The following FBXL7 variants were observed in gnomAD, a reference collection of about 807,000 sequenced individuals.
FBXL7 encodes the protein F-box and leucine rich repeat protein 7.
In FBXL7, 12 loss-of-function variants were observed where a neutral mutation model predicts 38.3. The ratio of observed to expected loss-of-function variants is 0.31; its 90% confidence interval spans 0.20 to 0.51. The LOEUF (loss-of-function observed/expected upper bound fraction) is 0.51. Among genes scored for constraint, FBXL7 ranks in the 20% least tolerant of loss-of-function variants. FBXL7 has a pLI of 0.98. For synonymous variants in FBXL7, 297 were observed against 300.9 expected (o/e 0.99, Z 0.13); for missense variants, 567 against 676.4 (o/e 0.84, Z 1.79).
At chr5:15,520,755 GT>G (rs1334211782) in intron 1 of FBXL7, among the ~76,000 whole-genome samples, 1 of 152,108 alleles carries the variant, frequency 6.6e-6, no homozygotes, top group Non-Finnish European at 1.5e-5. Flanking sequence ...TACCAGTTAT[GT>G]TTTTTCTGTA....
Position 15,711,319 on chromosome 5 carries a change from C to T in FBXL7, c.127+95247C>T, listed in dbSNP as rs537872699. 2.5e-4 allele frequency among the ~76,000 whole-genome samples: 38 copies of T among 152,250 alleles called. No homozygotes were observed. In the South Asian group the frequency reaches 4.4e-3, roughly 17 times the overall value. On this transcript the variant is annotated intron_variant, in intron 2 of 3. Transcript: ENST00000504595. ...TCTTCAAGCTCGGCCTCCATGATTG[C>T]GTGGCATTCTGTCATTTGTATGTGA...
chr5:15,514,747 C>T (rs986043003), intron 1 of FBXL7, among the ~76,000 whole-genome samples: 3 of 152,170 alleles, frequency 2.0e-5, no homozygotes, highest in African/African-American at 7.2e-5. Context: ...TGTCCCTGCC[C>T]CCGGCTGCAC....
chr5:15,542,460 CA>C (rs1468292105), intron 1 of FBXL7, among the ~76,000 whole-genome samples: 1 of 152,110 alleles, frequency 6.6e-6, no homozygotes, highest in Non-Finnish European at 1.5e-5. Context: ...TATAAGCCTG[CA>C]ATAACAAATG....
At chr5:15,606,191 C>T (rs1740008462) in intron 1 of FBXL7, among the ~76,000 whole-genome samples, 1 of 151,966 alleles carries the variant, frequency 6.6e-6, no homozygotes, top group Non-Finnish European at 1.5e-5. Flanking sequence ...GTTTTTTGAT[C>T]AGTTTTCTTT....
chr5:15,643,178 C>T (rs6860057), intron 2 of FBXL7, among the ~76,000 whole-genome samples: 24,566 of 152,166 alleles, frequency 0.16, 2,088 homozygotes, highest in Non-Finnish European at 0.19. Flanking sequence ...GAGTCCCAAT[C>T]CTTAGGCTTC....
intron 2 of FBXL7, among the ~76,000 whole-genome samples, chr5:15,640,794 G>T (rs1310962078): frequency 6.6e-6 from 1 of 152,198 alleles, no homozygotes; most frequent in Non-Finnish European, 1.5e-5. Flanking sequence ...AAAGTGTTGG[G>T]ATTACAGGTG....
At chr5:15,888,110 C>CT (rs1450790661) in intron 2 of FBXL7, among the ~76,000 whole-genome samples, 1 of 152,162 alleles carries the variant, frequency 6.6e-6, no homozygotes, top group African/African-American at 2.4e-5. Context: ...TCATATTGCA[C>CT]TATCATCCAG....
intron 2 of FBXL7, among the ~76,000 whole-genome samples, chr5:15,661,985 A>G (rs141625102): frequency 5.8e-4 from 89 of 152,326 alleles, no homozygotes; most frequent in African/African-American, 1.5e-3. Context: ...TAGTGCTGCA[A>G]TGAACATTTG....
chr5:15,699,573 C>G (rs188720301), intron 2 of FBXL7, among the ~76,000 whole-genome samples: 1 of 152,194 alleles, frequency 6.6e-6, no homozygotes. Flanking sequence ...TGGGAGGTCA[C>G]CTTCTGAGGT....
intron 1 of FBXL7, among the ~76,000 whole-genome samples, chr5:15,536,667 T>C (rs556995285): frequency 8.5e-5 from 13 of 152,290 alleles, no homozygotes; most frequent in African/African-American, 3.1e-4. Flanking sequence ...AATAACTAAC[T>C]TGCTTTTGAT....
chr5:15,746,915 A>C lies in FBXL7; in HGVS notation c.127+130843A>C, dbSNP rs183053468. 4.6e-4 allele frequency among the ~76,000 whole-genome samples: 70 copies of C among 152,272 alleles called. 1 individual carries two copies. Among genetic ancestry groups the C allele is most frequent in the African/African-American group, 1.7e-3 (69 of 41,566 alleles). ...TTTTTTGCTAATAGAGTTAATAGACATAAAATTATTCTGTCAAATTGCTGT... is the reference window on the plus strand; with the variant it reads ...TTTTTTGCTAATAGAGTTAATAGACCTAAAATTATTCTGTCAAATTGCTGT... On this transcript the variant is annotated intron_variant, in intron 2 of 3. Coordinates refer to ENST00000504595, the MANE Select transcript of FBXL7 (RefSeq NM_012304.5).
intron 2 of FBXL7, among the ~76,000 whole-genome samples, chr5:15,719,718 G>A (rs1047702763): frequency 6.7e-6 from 1 of 148,648 alleles, no homozygotes; most frequent in Non-Finnish European, 1.5e-5. Flanking sequence ...TTACAAGGAC[G>A]GCACTTATTT....
chr5:15,804,201 C>T (rs928652378), intron 2 of FBXL7, among the ~76,000 whole-genome samples: 1 of 152,160 alleles, frequency 6.6e-6, no homozygotes, highest in Non-Finnish European at 1.5e-5. Flanking sequence ...GGCACAATGG[C>T]TAACACATAT....
At chr5:15,893,786 T>A (rs1741007326) in intron 2 of FBXL7, among the ~76,000 whole-genome samples, 1 of 152,222 alleles carries the variant, frequency 6.6e-6, no homozygotes. Context: ...CATAATGCTA[T>A]AGGATGAATT....
At position 15,613,544 on chromosome 5, in the gene FBXL7, C is replaced by T. The variant is rs143827269; in HGVS notation, c.38-2439C>T. On this transcript the variant is annotated intron_variant, in intron 1 of 3. Coordinates refer to ENST00000504595, the MANE Select transcript of FBXL7 (RefSeq NM_012304.5). Reference sequence around the variant, plus strand: ...TAACAGATTTGTTCAGAGCCTAAGTCCCAATGAGCAATGGGTGATAGTGAG... The same window carrying T: ...TAACAGATTTGTTCAGAGCCTAAGTTCCAATGAGCAATGGGTGATAGTGAG... Among the ~76,000 whole-genome samples, 485 of 152,160 alleles carry T rather than the reference C, an allele frequency of 3.2e-3. 3 individuals carry two copies. The highest frequency in any genetic ancestry group is 0.011 in the African/African-American group (464 of 41,518).
intron 1 of FBXL7, among the ~76,000 whole-genome samples, chr5:15,554,919 G>T (rs555190897): frequency 6.6e-6 from 1 of 152,186 alleles, no homozygotes; most frequent in Admixed American, 6.5e-5. Flanking sequence ...AGTCAGTAAA[G>T]CACATTTAGA....
intron 2 of FBXL7, among the ~76,000 whole-genome samples, chr5:15,882,164 C>T (rs1172237347): frequency 6.6e-6 from 1 of 152,218 alleles, no homozygotes; most frequent in African/African-American, 2.4e-5. Flanking sequence ...CACCTCCAAC[C>T]AGGCCCCACC....
At chr5:15,654,960 C>T (rs975482421) in intron 2 of FBXL7, among the ~76,000 whole-genome samples, 1 of 152,162 alleles carries the variant, frequency 6.6e-6, no homozygotes, top group Non-Finnish European at 1.5e-5. Context: ...TAGAAAATTT[C>T]TCAGAGTGAC....
intron 1 of FBXL7, among the ~76,000 whole-genome samples, chr5:15,602,776 G>T (rs1489234679): frequency 1.3e-5 from 2 of 152,058 alleles, no homozygotes. Flanking sequence ...AAATAAAACA[G>T]TGTTTGAGAA....
Sources: allele counts gnomAD v4.1 joint callset (sites outside exome capture counted in the v4.1 genomes callset), GRCh38; gene constraint gnomAD v4.1.1; transcripts MANE v1.5; gene names NCBI Gene and HGNC (gene_info 2026-07-23, HGNC 2026-07-21).